CPLX2: variants seen among roughly 807,000 people sequenced by gnomAD.
CPLX2 encodes the protein complexin 2, also known as complexin-2.
In CPLX2, 5 loss-of-function variants were observed where a neutral mutation model predicts 16.3. The ratio of observed to expected loss-of-function variants is 0.31; its 90% CI spans 0.16 to 0.64. The LOEUF (loss-of-function observed/expected upper bound fraction) is 0.64, where lower values mean the gene tolerates loss of function less well. Ranked by LOEUF, CPLX2 falls within the 30% of genes least tolerant of loss-of-function variation. The pLI, the probability that CPLX2 is intolerant of heterozygous loss-of-function variation, is 0.79. For synonymous variants in CPLX2, 89 were observed against 73.2 expected (o/e 1.22, Z -1.10); for missense variants, 144 against 181.4 (o/e 0.79, Z 1.18).
intron 1 of CPLX2, among the ~76,000 whole-genome samples, chr5:175,877,418 G>C (rs973747838): frequency 5.3e-5 from 8 of 152,082 alleles, no homozygotes; most frequent in Non-Finnish European, 1.2e-4. Flanking sequence ...ACTCAGCCAG[G>C]CTGCAATATC....
intron 1 of CPLX2, 180 bp from the exon 2 acceptor site, chr5:175,878,472 C>A: frequency 1.8e-6 from 1 of 567,438 alleles, no homozygotes; most frequent in South Asian, 2.3e-5. Flanking sequence ...GCAGCACCTA[C>A]GTGTCTGCCC....
intron 2 of CPLX2, among the ~76,000 whole-genome samples, chr5:175,818,844 A>C (rs1758457324): frequency 1.3e-5 from 2 of 151,706 alleles, no homozygotes; most frequent in Non-Finnish European, 2.9e-5. Context: ...TATTTTTAGT[A>C]GAGATGGGGT....
At chr5:175,805,816 C>T (rs1349785608) in intron 1 of CPLX2, among the ~76,000 whole-genome samples, 1 of 152,206 alleles carries the variant, frequency 6.6e-6, no homozygotes, top group Non-Finnish European at 1.5e-5. Flanking sequence ...GAGAGGACCT[C>T]CAACTCCACA....
intron 2 of CPLX2, among the ~76,000 whole-genome samples, chr5:175,848,554 A>G (rs1481884257): frequency 6.6e-6 from 1 of 152,192 alleles, no homozygotes. Context: ...CTCAGGGGCT[A>G]TTTCAGGTGC....
chr5:175,818,179 G>A (rs188219115), intron 2 of CPLX2, among the ~76,000 whole-genome samples: 213 of 152,274 alleles, frequency 1.4e-3, no homozygotes, highest in African/African-American at 4.8e-3. Context: ...CAGAGTGGGG[G>A]TAGCTGGCCC....
intron 2 of CPLX2, among the ~76,000 whole-genome samples, chr5:175,860,370 C>A (rs1759338458): frequency 6.7e-6 from 1 of 148,960 alleles, no homozygotes. Flanking sequence ...CGGCAGTGAG[C>A]CATGATTGTG....
chr5:175,870,627 A>G (rs1361648681), upstream of CPLX2, among the ~76,000 whole-genome samples: 3 of 152,024 alleles, frequency 2.0e-5, no homozygotes, highest in Non-Finnish European at 4.4e-5. Flanking sequence ...AAACAAAACA[A>G]AACAAAACAA....
chr5:175,861,977 GC>G (rs1269746686), intron 2 of CPLX2, among the ~76,000 whole-genome samples: 1 of 152,140 alleles, frequency 6.6e-6, no homozygotes, highest in Non-Finnish European at 1.5e-5. Context: ...CCTGTTTTGG[GC>G]CTGGCCCTTC....
chr5:175,854,393 A>G (rs561234675), intron 2 of CPLX2, among the ~76,000 whole-genome samples: 2 of 152,272 alleles, frequency 1.3e-5, no homozygotes, highest in East Asian at 3.9e-4. Flanking sequence ...TCTTGATTGC[A>G]TGACACAGAA....
intron 2 of CPLX2, among the ~76,000 whole-genome samples, chr5:175,841,835 T>C (rs1157993459): frequency 2.6e-5 from 4 of 152,214 alleles, no homozygotes; most frequent in East Asian, 3.9e-4. Context: ...AAGCCTCAAA[T>C]TTCTCGGCAA....
At chr5:175,836,003 T>C (rs925489931) in intron 2 of CPLX2, among the ~76,000 whole-genome samples, 5 of 152,072 alleles carry the variant, frequency 3.3e-5, no homozygotes, top group African/African-American at 1.2e-4. Flanking sequence ...CCTCACAACA[T>C]GCTGGGATTA....
chr5:175,861,609 G>C (rs1048597367), intron 2 of CPLX2: 1 of 152,398 alleles, frequency 6.6e-6, no homozygotes, highest in Non-Finnish European at 1.5e-5. Context: ...GAAGGGAGAC[G>C]GCAGAGGGAA....
upstream of CPLX2, among the ~76,000 whole-genome samples, chr5:175,867,608 A>C (rs1759501469): frequency 6.6e-6 from 1 of 151,766 alleles, no homozygotes; most frequent in Non-Finnish European, 1.5e-5. Flanking sequence ...CTCTAATAAC[A>C]CCCCACGTAG....
chr5:175,798,981 C>T (rs1203021322), intron 1 of CPLX2, among the ~76,000 whole-genome samples: 1 of 152,224 alleles, frequency 6.6e-6, no homozygotes, highest in Non-Finnish European at 1.5e-5. Context: ...GACCTTTCTA[C>T]CTCAATTCAT....
At chr5:175,877,653 A>G (rs1311988262) in intron 1 of CPLX2, among the ~76,000 whole-genome samples, 1 of 152,178 alleles carries the variant, frequency 6.6e-6, no homozygotes, top group African/African-American at 2.4e-5. Flanking sequence ...AAATACAAAG[A>G]AAATCTCAAG....
intron 2 of CPLX2, among the ~76,000 whole-genome samples, chr5:175,832,113 G>T (rs541669363): frequency 6.6e-6 from 1 of 152,068 alleles, no homozygotes; most frequent in Non-Finnish European, 1.5e-5. Flanking sequence ...CACCAAAAAG[G>T]TTCCTGGCCC....
rs116466796 is a variant in CPLX2, at chr5:175,855,225, C to A, written c.-88-23427C>A. Among the ~76,000 whole-genome samples, 303 of 152,226 alleles carry A rather than the reference C, an allele frequency of 2.0e-3. 1 individual carries two copies. Among genetic ancestry groups the A allele is most frequent in the Non-Finnish European group, 2.2e-3 (147 of 68,022 alleles). On this transcript the variant is annotated intron_variant, in intron 2 of 4. Transcript: ENST00000359546. ...GCCTTCTACCATAAGGCAGAGCAGTCGAGGTTCAGTCCAGAGTCGAAATGT... is the reference window on the plus strand; with the variant it reads ...GCCTTCTACCATAAGGCAGAGCAGTAGAGGTTCAGTCCAGAGTCGAAATGT...
At position 175,830,385 on chromosome 5, in the gene CPLX2, C is replaced by G. The variant is rs1758712887; in HGVS notation, c.-89+21317C>G. Among the ~76,000 whole-genome samples, 1 of 152,166 alleles carries G rather than the reference C, an allele frequency of 6.6e-6. No individual in the cohort carries two copies. The highest frequency in any genetic ancestry group is 2.1e-4 in the South Asian group (1 of 4,828). ...TGCCCAGGGTTACACAGCCAGGGAG[C>G]AGCAGAGCCCAGGTATGAACCATCA... On this transcript the variant is annotated intron_variant, in intron 2 of 4. Coordinates refer to the CPLX2 transcript ENST00000359546. This position sits in a 1 kb window ranked among gnomAD's most constrained non-coding sequence, Gnocchi z 4.0.
At chr5:175,848,556 T>A (rs1296710798) in intron 2 of CPLX2, among the ~76,000 whole-genome samples, 1 of 152,112 alleles carries the variant, frequency 6.6e-6, no homozygotes, top group African/African-American at 2.4e-5. Flanking sequence ...CAGGGGCTAT[T>A]TCAGGTGCTG....
Sources: gnomAD v4.1 joint callset for allele counts (sites outside exome capture counted in the v4.1 genomes callset) on GRCh38, gnomAD v4.1.1 for gene constraint, Gnocchi (gnomAD v3.1) non-coding constraint, MANE v1.5 for transcripts, NCBI Gene and HGNC (gene_info 2026-07-23, HGNC 2026-07-21) for gene names.